ASIC2: variants seen among roughly 807,000 people sequenced by gnomAD.
ASIC2 encodes the protein acid-sensing ion channel 2.
ASIC2 carries 25 observed loss-of-function variants against 57.3 expected under a neutral mutation model. That is an observed-to-expected ratio of 0.44 (90% CI 0.32 to 0.61). ASIC2 has a LOEUF of 0.61. ASIC2 is among the 20% of genes least tolerant of loss of function. The probability of loss-of-function intolerance (pLI) is 0.06; values close to 1 mark genes in which losing one functional copy is unlikely to be tolerated. For synonymous variants in ASIC2, 319 were observed against 307.5 expected (o/e 1.04, Z -0.39); for missense variants, 641 against 738.1 (o/e 0.87, Z 1.52).
chr17:33,019,087 G>T (rs2091822869), intron 7 of ASIC2, among the ~76,000 whole-genome samples: 1 of 152,126 alleles, frequency 6.6e-6, no homozygotes, highest in Non-Finnish European at 1.5e-5. Flanking sequence ...TTTAATGGAG[G>T]CTTCTTGGGG....
rs182818576 is a variant in ASIC2 at position 33,321,994 on chromosome 17, A to G, written c.556-209927T>C. Among the ~76,000 whole-genome samples the G allele has an allele frequency of 7.9e-5, 12 of 152,346 alleles. No individual in the cohort carries two copies. In the East Asian group the frequency reaches 2.3e-3, roughly 29 times the overall value. On this transcript the variant is annotated intron_variant, in intron 1 of 9. Coordinates refer to the ASIC2 transcript ENST00000359872. ...CCTGAGACGCCATGGCTTCCCTGTCAGCTGTCTGGATCCTGGGAAGGACCA... is the reference window on the plus strand; with the variant it reads ...CCTGAGACGCCATGGCTTCCCTGTCGGCTGTCTGGATCCTGGGAAGGACCA...
intron 1 of ASIC2, among the ~76,000 whole-genome samples, chr17:33,965,313 C>G (rs1905043626): frequency 1.3e-5 from 2 of 152,130 alleles, no homozygotes; most frequent in Non-Finnish European, 2.9e-5. Context: ...AGCTCCTGCC[C>G]TTTATATTCC....
At chr17:33,258,693 G>A (rs1030458725) in intron 1 of ASIC2, among the ~76,000 whole-genome samples, 2 of 152,176 alleles carry the variant, frequency 1.3e-5, no homozygotes, top group East Asian at 3.8e-4. Context: ...CGTGGGTCAG[G>A]GAGGAAGCCA....
intron 1 of ASIC2, among the ~76,000 whole-genome samples, chr17:33,335,990 C>T (rs1201815114): frequency 6.6e-6 from 1 of 152,142 alleles, no homozygotes; most frequent in African/African-American, 2.4e-5. Flanking sequence ...TTCTCTCACC[C>T]TCCCCTTCTC....
chr17:33,365,758 C>G (rs1307259835), intron 1 of ASIC2, among the ~76,000 whole-genome samples: 1 of 151,876 alleles, frequency 6.6e-6, no homozygotes, highest in Non-Finnish European at 1.5e-5. Flanking sequence ...TATTTCATTT[C>G]CCATAATTCC....
chr17:33,187,783 C>G (rs1431197724), intron 1 of ASIC2, among the ~76,000 whole-genome samples: 1 of 151,676 alleles, frequency 6.6e-6, no homozygotes, highest in Non-Finnish European at 1.5e-5. Context: ...CAAATTGTTT[C>G]TAAGTAACTT....
At chr17:33,597,486 C>A (rs1468128680) in intron 1 of ASIC2, among the ~76,000 whole-genome samples, 1 of 151,814 alleles carries the variant, frequency 6.6e-6, no homozygotes, top group African/African-American at 2.4e-5. Flanking sequence ...CCCTGCTCTG[C>A]AAAATGGGCC....
intron 1 of ASIC2, among the ~76,000 whole-genome samples, chr17:33,783,140 C>T (rs138984117): frequency 2.6e-5 from 4 of 152,320 alleles, no homozygotes; most frequent in Admixed American, 2.0e-4. Flanking sequence ...TCTTGGCACC[C>T]ATGGCTAGCA....
At chr17:33,629,401 G>A (rs1218668985) in intron 1 of ASIC2, among the ~76,000 whole-genome samples, 1 of 152,188 alleles carries the variant, frequency 6.6e-6, no homozygotes. Context: ...CCAGATCAAT[G>A]CACAGCTCTC....
At chr17:33,235,573 C>T (rs1230563229) in intron 1 of ASIC2, among the ~76,000 whole-genome samples, 2 of 152,194 alleles carry the variant, frequency 1.3e-5, no homozygotes, top group Non-Finnish European at 2.9e-5. Flanking sequence ...AACCATAGCT[C>T]AGCTCCCTCA....
intron 1 of ASIC2, among the ~76,000 whole-genome samples, chr17:33,629,779 C>G (rs988179775): frequency 6.6e-6 from 1 of 152,274 alleles, no homozygotes; most frequent in South Asian, 2.1e-4. Flanking sequence ...GGTAGCAAAC[C>G]CAGTTCTGCC....
At chr17:33,578,257 C>G (rs1040631802) in intron 1 of ASIC2, among the ~76,000 whole-genome samples, 4 of 152,182 alleles carry the variant, frequency 2.6e-5, no homozygotes, top group African/African-American at 7.2e-5. Flanking sequence ...CCCCTATCTA[C>G]TGGTCATTAA....
chr17:33,841,414 A>C (rs1913432851), intron 1 of ASIC2, among the ~76,000 whole-genome samples: 1 of 152,250 alleles, frequency 6.6e-6, no homozygotes, highest in Non-Finnish European at 1.5e-5. Flanking sequence ...TTAAGCCTAA[A>C]GTGCTGGAGG....
At position 33,222,022 on chromosome 17, in the gene ASIC2, T is replaced by C. The variant is rs555601055; in HGVS notation, c.708+69386A>G. On this transcript the variant is annotated intron_variant, in intron 1 of 9. Coordinates refer to ENST00000225823, the MANE Select transcript of ASIC2 (RefSeq NM_183377.2). ...GAAGGCTATCCTGGAAACTTAACTA[T>C]TCCCTAGGATTAGGTGGGTTCTCTG... Among the ~76,000 whole-genome samples, 4 of 152,294 alleles carry C rather than the reference T, an allele frequency of 2.6e-5. No homozygotes were observed. The East Asian group carries it at 7.7e-4, about 29-fold the overall frequency.
rs1340194984 is a variant in ASIC2 at position 33,676,072 on chromosome 17, T to C, written c.555+479906A>G. Among the ~76,000 whole-genome samples the C allele has an allele frequency of 2.0e-5, 3 of 152,190 alleles. No individual in the cohort carries two copies. The East Asian group carries it at 5.8e-4, about 29-fold the overall frequency. On this transcript the variant is annotated intron_variant, in intron 1 of 9. Transcript: ENST00000359872. ...TTACTGTGTCTGATATGACGATCTA[T>C]GATAAGTGATATTTAATGTTACTAT...
intron 1 of ASIC2, among the ~76,000 whole-genome samples, chr17:33,579,551 G>A (rs568415919): frequency 1.6e-4 from 24 of 152,270 alleles, no homozygotes; most frequent in African/African-American, 5.5e-4. Flanking sequence ...CTTCAAGAAT[G>A]AAAGGGCAGA....
intron 1 of ASIC2, among the ~76,000 whole-genome samples, chr17:33,763,876 T>C (rs1268843799): frequency 1.3e-5 from 2 of 152,202 alleles, no homozygotes; most frequent in Non-Finnish European, 2.9e-5. Flanking sequence ...GACAGGTCCC[T>C]TTCCCCCAGC....
At chr17:33,667,356 T>A (rs1279558544) in intron 1 of ASIC2, among the ~76,000 whole-genome samples, 3 of 152,206 alleles carry the variant, frequency 2.0e-5, no homozygotes, top group Admixed American at 1.3e-4. Flanking sequence ...TTTGTGGTTA[T>A]TGTTAAGTAA....
At chr17:33,938,825 A>C (rs1197560296) in intron 1 of ASIC2, among the ~76,000 whole-genome samples, 1 of 152,200 alleles carries the variant, frequency 6.6e-6, no homozygotes, top group Non-Finnish European at 1.5e-5. Context: ...TCCCTGCCTC[A>C]GTGACTCTGG....
Sources: gnomAD v4.1 joint callset for allele counts (sites outside exome capture counted in the v4.1 genomes callset) on GRCh38, gnomAD v4.1.1 for gene constraint, MANE v1.5 for transcripts, NCBI Gene and HGNC (gene_info 2026-07-23, HGNC 2026-07-21) for gene names.